FRMD4A: variants seen among roughly 807,000 people sequenced by gnomAD.
FRMD4A encodes FERM domain-containing protein 4A.
A neutral mutation model predicts 129.1 loss-of-function variants in FRMD4A; 29 were observed. The observed-to-expected ratio is 0.22, with a 90% CI of 0.17 to 0.31. The LOEUF is 0.31. Ranked by LOEUF, FRMD4A falls within the 10% of genes least tolerant of loss-of-function variation. The pLI is 1.00. For synonymous variants in FRMD4A, 634 were observed against 571.6 expected, an observed-to-expected ratio of 1.11 and a Z score of -1.56; for missense variants, 1,272 against 1,375.8, an observed-to-expected ratio of 0.92 and a Z score of 1.19.
chr10:13,978,564 G>GCAAAAC (rs1284906831), intron 2 of FRMD4A, among the ~76,000 whole-genome samples: 23 of 152,126 alleles, frequency 1.5e-4, no homozygotes, highest in African/African-American at 5.5e-4. Context: ...TGGGTGATAT[G>GCAAAAC]CAAAACCCAA....
intron 2 of FRMD4A, among the ~76,000 whole-genome samples, chr10:14,194,691 G>A (rs1407708134): frequency 3.3e-5 from 5 of 152,062 alleles, no homozygotes; most frequent in Non-Finnish European, 7.4e-5. Context: ...GATGTCAAGA[G>A]GATAAACTTT....
In FRMD4A at chr10:13,657,133, C is replaced by G; in HGVS notation, c.2456G>C (p.Gly819Ala). Residue 819 changes from glycine to alanine, a missense_variant, in exon 22 of 25, where the codon GGT becomes GCT. Gly to Ala is a moderately conservative substitution (Grantham distance 60). Transcript: ENST00000357447. ...CTGGCTCTGGCTGTGCAGGTACACA[C>G]CGCCCCCCGCGCCCCCCGCGCCCCC... ...GAGGAGGAGGGVYLHSQSQPS... is the reference protein window; with the variant it reads ...GAGGAGGAGGAVYLHSQSQPS... The G allele has an allele frequency of 6.6e-7, 1 of 1,504,946 alleles. No homozygotes were observed. The allele number at this position is 1,504,946 out of a possible 1,614,324, so 93.2% of individuals were successfully genotyped here.
intron 2 of FRMD4A, among the ~76,000 whole-genome samples, chr10:14,157,107 T>G (rs1358497100): frequency 6.6e-6 from 1 of 152,190 alleles, no homozygotes; most frequent in African/African-American, 2.4e-5. Flanking sequence ...AAGTCTAGCC[T>G]GAATCTAAAA....
intron 14 of FRMD4A, among the ~76,000 whole-genome samples, chr10:13,700,873 A>G (rs1202522877): frequency 6.7e-6 from 1 of 149,902 alleles, no homozygotes. Context: ...ATTAAAAAAA[A>G]AAAAATGGAG....
intron 2 of FRMD4A, among the ~76,000 whole-genome samples, chr10:14,012,255 C>T (rs1005107097): frequency 2.0e-5 from 3 of 151,996 alleles, no homozygotes; most frequent in Non-Finnish European, 2.9e-5. Context: ...CTAGACTCTC[C>T]GAAGCTGCTG....
At position 13,858,833 on chromosome 10, in the gene FRMD4A, C is replaced by A. The variant is rs2094250794; in HGVS notation, c.111+14G>T. On this transcript the variant is annotated intron_variant, in intron 3 of 24. Coordinates refer to ENST00000357447, the MANE Select transcript of FRMD4A (RefSeq NM_018027.5). ...CACCAAAGAAACTCAGAAAGTTGAC[C>A]AAAAGCGATTTACCTGTACTAGGAG... The A allele has an allele frequency of 6.5e-7, 1 of 1,536,140 alleles. No homozygotes were observed. Among genetic ancestry groups the A allele is most frequent in the South Asian group, 1.1e-5 (1 of 89,470 alleles).
chr10:13,940,839 G>C (rs922425418), intron 2 of FRMD4A, among the ~76,000 whole-genome samples: 3 of 152,006 alleles, frequency 2.0e-5, no homozygotes, highest in Admixed American at 6.6e-5. Context: ...ATGTCTTTAC[G>C]ATTTCCTAGT....
chr10:13,904,112 G>A (rs1211614752), intron 2 of FRMD4A, among the ~76,000 whole-genome samples: 1 of 152,190 alleles, frequency 6.6e-6, no homozygotes, highest in Non-Finnish European at 1.5e-5. Context: ...GCACTGGTGG[G>A]GGCTGGGACA....
intron 2 of FRMD4A, among the ~76,000 whole-genome samples, chr10:14,053,451 A>G (rs1438033893): frequency 6.6e-6 from 1 of 152,162 alleles, no homozygotes; most frequent in East Asian, 1.9e-4. Flanking sequence ...AGCACAGCCC[A>G]GCCCTGCTGA....
chr10:13,959,126 A>C (rs927046619), intron 2 of FRMD4A, among the ~76,000 whole-genome samples: 2 of 152,128 alleles, frequency 1.3e-5, no homozygotes, highest in African/African-American at 4.8e-5. Flanking sequence ...TTCTCAGTAA[A>C]AGTCCCCTCT....
chr10:13,652,242 A>T (rs1034188871), intron 23 of FRMD4A: 3 of 505,230 alleles, frequency 5.9e-6, no homozygotes, highest in East Asian at 6.9e-5. Flanking sequence ...TATGCCAAGA[A>T]CCAAAATTGC....
chr10:13,884,216 A>ACT (rs1554956601), intron 2 of FRMD4A, among the ~76,000 whole-genome samples: 5 of 125,712 alleles, frequency 4.0e-5, no homozygotes, highest in South Asian at 6.1e-4. Context: ...ACTCACACAC[A>ACT]CACACACACA....
intron 2 of FRMD4A, among the ~76,000 whole-genome samples, chr10:14,250,060 A>G (rs1844382540): frequency 6.6e-6 from 1 of 152,052 alleles, no homozygotes; most frequent in South Asian, 2.1e-4. Flanking sequence ...CCCGGGTTCA[A>G]GTGAATTCTC....
rs60196881 is a variant in FRMD4A at position 14,184,298 on chromosome 10, AT to A, written c.45+145759del. 3.0e-3 allele frequency among the ~76,000 whole-genome samples: 319 copies of A among 104,846 alleles called. 4 individuals are homozygous for A. The highest frequency in any genetic ancestry group is 3.1e-3 in the African/African-American group (87 of 28,422). The allele number at this position is 104,846 out of a possible 152,430, so 68.8% of individuals were successfully genotyped here. A position where few individuals can be genotyped will look rare whatever the true frequency, so the allele number is the denominator to read the frequency against. On this transcript the variant is annotated intron_variant, in intron 2 of 24. Coordinates refer to ENST00000357447, the MANE Select transcript of FRMD4A (RefSeq NM_018027.5). ...AGGTGCATACCACCACAACCGGTTAATTTTTTTTTTTTTTTTAGTAGAGATG... is the reference window on the plus strand; with the variant it reads ...AGGTGCATACCACCACAACCGGTTAATTTTTTTTTTTTTTTAGTAGAGATG...
chr10:13,946,265 T>G (rs1057496843), intron 2 of FRMD4A, among the ~76,000 whole-genome samples: 8 of 152,166 alleles, frequency 5.3e-5, no homozygotes, highest in Admixed American at 3.3e-4. Context: ...AACGCAAGAA[T>G]CTTTCTGATG....
intron 2 of FRMD4A, among the ~76,000 whole-genome samples, chr10:14,098,114 ATATATATTATATAAAAAT>A: frequency 7.0e-6 from 1 of 142,260 alleles, no homozygotes; most frequent in African/African-American, 2.6e-5. Context: ...TATATAATTT[ATATATATTATATAAAAAT>A]TATATATTAT....
Position 14,330,733 on chromosome 10 carries a change from C to T in FRMD4A, c.-218G>A, listed in dbSNP as rs1843486214. On this transcript the variant is annotated 5_prime_UTR_variant, in exon 1 of 25. Coordinates refer to ENST00000357447, the MANE Select transcript of FRMD4A (RefSeq NM_018027.5). ...CACTGGAGATCAGCAAATGCCCTTACCATCCCCGAGGAGGAAGTCACTTAG... is the reference window on the plus strand; with the variant it reads ...CACTGGAGATCAGCAAATGCCCTTATCATCCCCGAGGAGGAAGTCACTTAG... 5.0e-6 allele frequency: 2 copies of T among 398,950 alleles called. No individual in the cohort carries two copies. The highest frequency in any genetic ancestry group is 1.3e-4 in the South Asian group (1 of 7,864). The allele number at this position is 398,950 out of a possible 1,614,324, so 24.7% of individuals were successfully genotyped here.
intron 2 of FRMD4A, among the ~76,000 whole-genome samples, chr10:14,295,435 G>T (rs1845978628): frequency 6.6e-6 from 1 of 152,190 alleles, no homozygotes; most frequent in African/African-American, 2.4e-5. Flanking sequence ...AAAGAGGAGA[G>T]ATGTTGTAGT....
chr10:13,885,561 T>C (rs2094609590), intron 2 of FRMD4A, among the ~76,000 whole-genome samples: 1 of 152,182 alleles, frequency 6.6e-6, no homozygotes, highest in South Asian at 2.1e-4. Flanking sequence ...ATACCCCCTT[T>C]CATTCCTAAA....
Sources: gnomAD v4.1 joint callset for allele counts (sites outside exome capture counted in the v4.1 genomes callset) on GRCh38, gnomAD v4.1.1 for gene constraint, MANE v1.5 for transcripts, NCBI Gene and HGNC (gene_info 2026-07-23, HGNC 2026-07-21) for gene names.